Variants in UBAP1 observed in about 807,000 individuals in gnomAD.
UBAP1 encodes ubiquitin-associated protein 1.
A neutral mutation model predicts 39.0 loss-of-function variants in UBAP1; 5 were observed. The ratio of observed to expected loss-of-function variants is 0.13; its 90% CI spans 0.07 to 0.27. The LOEUF (loss-of-function observed/expected upper bound fraction) is 0.27, where lower values mean the gene tolerates loss of function less well. Ranked by LOEUF, UBAP1 falls within the 10% of genes least tolerant of loss-of-function variation. The pLI, the probability that UBAP1 is intolerant of heterozygous loss-of-function variation, is 1.00. For missense variants in UBAP1, 490 were observed against 608.1 expected (o/e 0.81, Z 2.04); for synonymous variants, 211 against 225.1 (o/e 0.94, Z 0.56).
At chr9:34,225,290 C>T (rs924765768) in intron 2 of UBAP1, among the ~76,000 whole-genome samples, 2 of 152,000 alleles carry the variant, frequency 1.3e-5, no homozygotes, top group Non-Finnish European at 2.9e-5. Flanking sequence ...ACTTGATTTA[C>T]CTCTGAGTTC....
intron 1 of UBAP1, 82 bp from the exon 2 acceptor site, chr9:34,220,826 T>G: frequency 8.1e-7 from 1 of 1,236,574 alleles, no homozygotes; most frequent in Non-Finnish European, 1.2e-6. Flanking sequence ...TTAGGTCTTC[T>G]GGTTTCTTTT....
intron 1 of UBAP1, among the ~76,000 whole-genome samples, chr9:34,210,392 A>T (rs1226930521): frequency 6.6e-6 from 1 of 152,172 alleles, no homozygotes; most frequent in African/African-American, 2.4e-5. Flanking sequence ...TAACACAAAA[A>T]AATATTCTAA....
At chr9:34,205,499 T>C (rs1831634497) in intron 1 of UBAP1, among the ~76,000 whole-genome samples, 1 of 152,208 alleles carries the variant, frequency 6.6e-6, no homozygotes, top group Admixed American at 6.5e-5. Flanking sequence ...TGAAATTACA[T>C]GTTAGGTATA....
At chr9:34,202,008 A>T (rs1831400042) in intron 1 of UBAP1, among the ~76,000 whole-genome samples, 1 of 152,190 alleles carries the variant, frequency 6.6e-6, no homozygotes, top group South Asian at 2.1e-4. Flanking sequence ...GTAGGGGGGA[A>T]GGTGCACTGA....
At chr9:34,232,096 G>A (rs1833453330) in intron 2 of UBAP1, among the ~76,000 whole-genome samples, 1 of 151,982 alleles carries the variant, frequency 6.6e-6, no homozygotes, top group Non-Finnish European at 1.5e-5. Context: ...CTAGGTTCAA[G>A]CAGTTCTCCT....
intron 1 of UBAP1, among the ~76,000 whole-genome samples, chr9:34,184,535 G>T (rs1201341250): frequency 6.7e-6 from 1 of 150,236 alleles, no homozygotes; most frequent in East Asian, 2.1e-4. Flanking sequence ...GGAGGCTGAG[G>T]CAGGAGAATG....
intron 1 of UBAP1, among the ~76,000 whole-genome samples, chr9:34,202,678 T>TGTGTGTGTGTGTGTGTGTGTGTGTGTGA: frequency 7.2e-6 from 1 of 139,108 alleles, no homozygotes; most frequent in East Asian, 2.0e-4. Context: ...TGTGTGTGTG[T>TGTGTGTGTGTGTGTGTGTGTGTGTGTGA]CCCCGTCCCC....
intron 2 of UBAP1, chr9:34,223,972 C>T (rs761738982): frequency 6.6e-5 from 26 of 396,224 alleles, no homozygotes; most frequent in Non-Finnish European, 1.1e-4. Context: ...TGGGTGAAGA[C>T]AAAACGAGGA....
chr9:34,243,633 G>C (rs1212472871), intron 4 of UBAP1, among the ~76,000 whole-genome samples: 1 of 152,048 alleles, frequency 6.6e-6, no homozygotes, highest in East Asian at 1.9e-4. Flanking sequence ...GGGATTACAG[G>C]CATGTGCTAT....
At chr9:34,187,429 T>C (rs926764646) in intron 1 of UBAP1, among the ~76,000 whole-genome samples, 2 of 152,210 alleles carry the variant, frequency 1.3e-5, no homozygotes, top group Non-Finnish European at 2.9e-5. Flanking sequence ...GATTGTGCCT[T>C]ACATGTGGGT....
At chr9:34,204,351 G>A (rs1033684650) in intron 1 of UBAP1, among the ~76,000 whole-genome samples, 3 of 152,074 alleles carry the variant, frequency 2.0e-5, no homozygotes, top group African/African-American at 7.2e-5. Flanking sequence ...GAGGAAAATA[G>A]TATCAAATAG....
chr9:34,231,738 G>A (rs1203541148), intron 2 of UBAP1, among the ~76,000 whole-genome samples: 2 of 151,346 alleles, frequency 1.3e-5, no homozygotes, highest in South Asian at 2.1e-4. Flanking sequence ...TCCGCCTCCC[G>A]GGTTCACGAC....
intron 2 of UBAP1, among the ~76,000 whole-genome samples, chr9:34,225,003 A>G (rs768509143): frequency 1.1e-4 from 16 of 152,326 alleles, no homozygotes; most frequent in Admixed American, 9.2e-4. Flanking sequence ...TTTCAGTTTC[A>G]GTGGCTAGCA....
intron 1 of UBAP1, among the ~76,000 whole-genome samples, chr9:34,203,452 A>C (rs553163968): frequency 8.8e-4 from 134 of 152,342 alleles, no homozygotes; most frequent in African/African-American, 3.0e-3. Flanking sequence ...AGCAGGAGTT[A>C]CTGAGCACTA....
chr9:34,249,889 G>A lies in UBAP1; in HGVS notation c.1194G>A (p.Thr398=), dbSNP rs369705432. Residue 398 remains threonine (T), a synonymous_variant, in exon 5 of 7, where the codon ACG becomes ACA. Transcript: ENST00000297661. The part of the protein sequence containing the change: ...LSPSERQCVE[T]VVNMGYSYEC... ...CCAGCGAGCGGCAGTGTGTGGAGAC[G>A]GTGGTCAACATGGGCTACTCGTACG... 1.7e-5 allele frequency: 27 copies of A among 1,613,554 alleles called. No homozygotes were observed. In the Admixed American group the frequency reaches 2.3e-4, roughly 14 times the overall value.
intron 1 of UBAP1, among the ~76,000 whole-genome samples, chr9:34,200,684 G>C (rs562358398): frequency 3.9e-5 from 6 of 152,198 alleles, no homozygotes; most frequent in Admixed American, 3.9e-4. Context: ...CTTATTAGTT[G>C]TCTTGAAAAC....
intron 1 of UBAP1, among the ~76,000 whole-genome samples, chr9:34,188,821 G>A (rs1830557622): frequency 6.6e-6 from 1 of 152,024 alleles, no homozygotes; most frequent in Non-Finnish European, 1.5e-5. Flanking sequence ...GCCAGGCATG[G>A]TGGTGGATTC....
At chr9:34,185,285 T>A (rs1176477147) in intron 1 of UBAP1, among the ~76,000 whole-genome samples, 1 of 152,164 alleles carries the variant, frequency 6.6e-6, no homozygotes, top group African/African-American at 2.4e-5. Context: ...CAGTGGCTCA[T>A]GCCTGTAGTC....
Position 34,196,472 on chromosome 9 carries a change from C to T in UBAP1, c.-8+17232C>T, listed in dbSNP as rs550909672. Among the ~76,000 whole-genome samples, 20 of 151,904 alleles carry T rather than the reference C, an allele frequency of 1.3e-4. 2 individuals are homozygous for T. In the South Asian group the frequency reaches 3.8e-3, roughly 28 times the overall value. On this transcript the variant is annotated intron_variant, in intron 1 of 6. Transcript: ENST00000297661. ...CTGGGATTACAGGTATGCATCACCA[C>T]GCCCGGCTAATTTTTTGTATTTTTA...
Sources: gnomAD v4.1 joint callset for allele counts (sites outside exome capture counted in the v4.1 genomes callset) on GRCh38, gnomAD v4.1.1 for gene constraint, MANE v1.5 for transcripts, NCBI Gene and HGNC (gene_info 2026-07-23, HGNC 2026-07-21) for gene names.